Variants in CPA6 observed in about 807,000 individuals in gnomAD.
The protein encoded by CPA6 is carboxypeptidase A6, also known as carboxypeptidase B.
CPA6 carries 58 observed loss-of-function variants against 63.3 expected under a neutral mutation model. The observed-to-expected ratio is 0.92, with a 90% confidence interval of 0.74 to 1.14. CPA6 has a LOEUF of 1.14. Ranked by LOEUF, CPA6 falls within the 50% of genes most tolerant of loss-of-function variation. The probability of loss-of-function intolerance (pLI) is 0.00; values close to 1 mark genes in which losing one functional copy is unlikely to be tolerated. For missense variants in CPA6, 565 were observed against 526.6 expected, an observed-to-expected ratio of 1.07 and a Z score of -0.71; for synonymous variants, 185 against 179.0, an observed-to-expected ratio of 1.03 and a Z score of -0.27.
At chr8:67,432,915 C>A (rs528269238) in intron 9 of CPA6, among the ~76,000 whole-genome samples, 3 of 152,138 alleles carry the variant, frequency 2.0e-5, no homozygotes, top group African/African-American at 7.2e-5. Context: ...ACTTGGGAAC[C>A]CCCTACTTGC....
intron 1 of CPA6, among the ~76,000 whole-genome samples, chr8:67,702,875 A>G (rs1243007829): frequency 1.3e-5 from 2 of 152,158 alleles, no homozygotes; most frequent in African/African-American, 4.8e-5. Context: ...GTGCACTTGA[A>G]TCTCCCAAGT....
Position 67,746,340 on chromosome 8 carries a change from CT to C in CPA6, c.-212del. The C allele has an allele frequency of 2.3e-6, 1 of 436,962 alleles. No homozygotes were observed. Among genetic ancestry groups the C allele is most frequent in the South Asian group, 4.1e-5 (1 of 24,620 alleles). The allele number at this position is 436,962 out of a possible 1,614,324, so 27.1% of individuals were successfully genotyped here. A position where few individuals can be genotyped will look rare whatever the true frequency, so the allele number is the denominator to read the frequency against. ...AGGGAAGTTGCTATTACGACTTGGT[CT>C]TGGGACAAGCAGCAGCAGCAGCAGC... On this transcript the variant is annotated 5_prime_UTR_variant, in exon 1 of 11. Coordinates refer to ENST00000297770, the MANE Select transcript of CPA6 (RefSeq NM_020361.5).
intron 9 of CPA6, among the ~76,000 whole-genome samples, chr8:67,429,436 G>A (rs943231455): frequency 5.3e-5 from 8 of 152,110 alleles, no homozygotes; most frequent in Non-Finnish European, 8.8e-5. Flanking sequence ...GGAGCACTCC[G>A]GACAACGTGG....
At chr8:67,648,928 G>A (rs1202342287) in intron 1 of CPA6, among the ~76,000 whole-genome samples, 1 of 152,010 alleles carries the variant, frequency 6.6e-6, no homozygotes, top group Admixed American at 6.6e-5. Flanking sequence ...TCCTCGGTTT[G>A]GGGATTTTCT....
chr8:67,591,697 T>C (rs973526866), intron 2 of CPA6, among the ~76,000 whole-genome samples: 1 of 152,220 alleles, frequency 6.6e-6, no homozygotes, highest in African/African-American at 2.4e-5. Context: ...TGTCTGTTAT[T>C]GGTGTATAAG....
At chr8:67,600,213 G>A (rs79562809) in intron 2 of CPA6, among the ~76,000 whole-genome samples, 13,227 of 151,726 alleles carry the variant, frequency 0.087, 1,024 homozygotes, top group African/African-American at 0.2. Flanking sequence ...AAGAGCATCA[G>A]GAATCATTTT....
chr8:67,508,942 G>T (rs1488343868), intron 5 of CPA6, among the ~76,000 whole-genome samples: 1 of 152,152 alleles, frequency 6.6e-6, no homozygotes, highest in Non-Finnish European at 1.5e-5. Flanking sequence ...TCCGTAGGCT[G>T]TACAGGAAGC....
At chr8:67,715,287 C>T (rs1437029415) in intron 1 of CPA6, among the ~76,000 whole-genome samples, 1 of 152,196 alleles carries the variant, frequency 6.6e-6, no homozygotes, top group African/African-American at 2.4e-5. Context: ...TATTTCTGAC[C>T]AACTGGCTAT....
intron 8 of CPA6, chr8:67,452,164 A>T (rs1810570955): frequency 6.6e-6 from 1 of 152,240 alleles, no homozygotes; most frequent in Admixed American, 6.5e-5. Context: ...TACAACAGGA[A>T]GGTTTTAAGG....
At chr8:67,506,209 G>A (rs530524750) in intron 6 of CPA6, among the ~76,000 whole-genome samples, 2 of 152,260 alleles carry the variant, frequency 1.3e-5, no homozygotes, top group South Asian at 2.1e-4. Context: ...CTCAAATGAA[G>A]CATTAAGAAA....
intron 2 of CPA6, among the ~76,000 whole-genome samples, chr8:67,604,688 A>G (rs1447206875): frequency 6.6e-6 from 1 of 152,170 alleles, no homozygotes; most frequent in Non-Finnish European, 1.5e-5. Context: ...ATTTGTTTCT[A>G]CATTTGTACA....
At chr8:67,457,770 T>C (rs559941873) in intron 8 of CPA6, among the ~76,000 whole-genome samples, 25 of 152,152 alleles carry the variant, frequency 1.6e-4, no homozygotes, top group Non-Finnish European at 1.5e-4. Context: ...TCCAAGCCCC[T>C]ACTGATCGAA....
intron 1 of CPA6, among the ~76,000 whole-genome samples, chr8:67,635,270 G>A (rs999390012): frequency 4.0e-5 from 6 of 150,778 alleles, no homozygotes; most frequent in East Asian, 1.9e-4. Flanking sequence ...ATTTGATTCC[G>A]AATACATTCA....
chr8:67,691,599 C>CA (rs890634093), intron 1 of CPA6, among the ~76,000 whole-genome samples: 1 of 152,004 alleles, frequency 6.6e-6, no homozygotes, highest in Non-Finnish European at 1.5e-5. Flanking sequence ...CTGTCAGGAG[C>CA]AAAAAACATG....
At chr8:67,619,843 C>T (rs1272194074) in intron 2 of CPA6, among the ~76,000 whole-genome samples, 1 of 152,246 alleles carries the variant, frequency 6.6e-6, no homozygotes, top group African/African-American at 2.4e-5. Context: ...CCTGTTCAGA[C>T]CCTAACCCAA....
intron 1 of CPA6, among the ~76,000 whole-genome samples, chr8:67,676,336 A>T (rs1278646746): frequency 6.6e-6 from 1 of 152,234 alleles, no homozygotes; most frequent in Non-Finnish European, 1.5e-5. Flanking sequence ...AATAGGGCTT[A>T]AAAGAAATCA....
chr8:67,434,618 T>C (rs35738435), intron 8 of CPA6, among the ~76,000 whole-genome samples: 56,919 of 152,128 alleles, frequency 0.37, 14,602 homozygotes, highest in African/African-American at 0.74. Flanking sequence ...CTATGCTGCC[T>C]ACAGCGTCTG....
chr8:67,663,461 A>C (rs888021236), intron 1 of CPA6, among the ~76,000 whole-genome samples: 2 of 151,964 alleles, frequency 1.3e-5, no homozygotes, highest in African/African-American at 4.8e-5. Context: ...GCACCTATCA[A>C]CTCATCACCT....
chr8:67,746,160 T>C lies in CPA6; in HGVS notation c.-31A>G. ...TAAGAAGAGAGGAGTTGAAAGTTAC[T>C]TAAGCAGCCACCCGAGGCTGGAGGT... On this transcript the variant is annotated 5_prime_UTR_variant, in exon 1 of 11. Transcript: ENST00000297770. 6.4e-7 allele frequency: 1 copy of C among 1,559,792 alleles called. No individual in the cohort carries two copies. The highest frequency in any genetic ancestry group is 1.2e-5 in the South Asian group (1 of 86,830).
Sources: gnomAD v4.1 joint callset for allele counts (sites outside exome capture counted in the v4.1 genomes callset) on GRCh38, gnomAD v4.1.1 for gene constraint, MANE v1.5 for transcripts, NCBI Gene and HGNC (gene_info 2026-07-23, HGNC 2026-07-21) for gene names.